Variants in OSBPL1A observed in about 807,000 individuals in gnomAD.
OSBPL1A encodes oxysterol-binding protein-related protein 1.
Under a neutral mutation model 137.1 loss-of-function variants are expected in OSBPL1A, and 80 were observed. The observed-to-expected ratio is 0.58, with a 90% CI of 0.49 to 0.70. OSBPL1A has a LOEUF of 0.70. OSBPL1A is among the 30% of genes least tolerant of loss of function. OSBPL1A has a pLI of 0.00. For missense variants in OSBPL1A, 970 were observed against 1,129.4 expected (o/e 0.86, Z 2.02); for synonymous variants, 365 against 389.7 (o/e 0.94, Z 0.75).
At chr18:24,242,406 C>T (rs1031869565) in intron 15 of OSBPL1A, among the ~76,000 whole-genome samples, 1 of 151,874 alleles carries the variant, frequency 6.6e-6, no homozygotes, top group African/African-American at 2.4e-5. Flanking sequence ...CTCTAGGTCA[C>T]ACTTTCCATC....
At position 24,178,087 on chromosome 18, in the gene OSBPL1A, G is replaced by T. The variant is rs2145919896; in HGVS notation, c.2019C>A (p.Ile673=). 6.2e-7 allele frequency: 1 copy of T among 1,613,544 alleles called. No individual in the cohort carries two copies. Among genetic ancestry groups the T allele is most frequent in the East Asian group, 2.2e-5 (1 of 44,852 alleles). The change falls in exon 21 of 28, where the codon ATC becomes ATA. Residue 673 remains isoleucine (I), a synonymous_variant. Coordinates refer to ENST00000319481, the MANE Select transcript of OSBPL1A (RefSeq NM_080597.4). ...TCCCCCAGAATTTCAGTTTGGGATA[G>T]ATAGAGCCATGAAAGATGAAGTCAT... The part of the protein sequence containing the change: ...LNNDFIFHGS[I]YPKLKFWGKS...
chr18:24,337,375 T>TAACA (rs748388391), intron 5 of OSBPL1A, among the ~76,000 whole-genome samples: 3 of 141,408 alleles, frequency 2.1e-5, no homozygotes, highest in African/African-American at 8.1e-5. Flanking sequence ...AAACATAACA[T>TAACA]TAACATAACA....
chr18:24,264,090 CTA>C (rs2089509465), intron 15 of OSBPL1A, among the ~76,000 whole-genome samples: 1 of 152,164 alleles, frequency 6.6e-6, no homozygotes, highest in African/African-American at 2.4e-5. Flanking sequence ...AACTGTAAGA[CTA>C]TGAAATTACA....
At chr18:24,171,892 A>G (rs182481500) in intron 22 of OSBPL1A, among the ~76,000 whole-genome samples, 7 of 151,832 alleles carry the variant, frequency 4.6e-5, no homozygotes, top group Admixed American at 2.6e-4. Flanking sequence ...AACCCTCTTT[A>G]TTAAATAAAT....
At chr18:24,378,595 T>G (rs1009764759) in intron 1 of OSBPL1A, among the ~76,000 whole-genome samples, 4 of 152,184 alleles carry the variant, frequency 2.6e-5, no homozygotes, top group African/African-American at 9.7e-5. Flanking sequence ...AGTGGAAAAG[T>G]TAGAAACCAC....
rs117479602 is a variant in OSBPL1A at position 24,336,074 on chromosome 18, G to A, written c.395-1744C>T. ...AACAGTGACATCTCCTATACCTCTC[G>A]TACATACCTCCACCACTGCATGTAT... On this transcript the variant is annotated intron_variant, in intron 5 of 27. Coordinates refer to ENST00000319481, the MANE Select transcript of OSBPL1A (RefSeq NM_080597.4). 3.9e-3 allele frequency among the ~76,000 whole-genome samples: 596 copies of A among 152,128 alleles called. 4 individuals carry two copies. The highest frequency in any genetic ancestry group is 6.4e-3 in the Non-Finnish European group (436 of 67,992).
intron 2 of OSBPL1A, among the ~76,000 whole-genome samples, chr18:24,368,858 G>A (rs943652572): frequency 2.0e-5 from 3 of 152,172 alleles, no homozygotes; most frequent in Non-Finnish European, 2.9e-5. Flanking sequence ...CCTGTGATGT[G>A]GTTTGGATTT....
chr18:24,238,558 G>A (rs1306118650), intron 16 of OSBPL1A, among the ~76,000 whole-genome samples: 5 of 152,098 alleles, frequency 3.3e-5, no homozygotes, highest in Non-Finnish European at 5.9e-5. Context: ...GTCATCACAC[G>A]ACCTATTGAA....
chr18:24,352,035 C>T (rs771596422), intron 4 of OSBPL1A, among the ~76,000 whole-genome samples: 7 of 152,220 alleles, frequency 4.6e-5, no homozygotes, highest in Non-Finnish European at 8.8e-5. Context: ...CAGGCTGGCA[C>T]GGTGGCTCAC....
At chr18:24,375,704 G>T (rs952372216) in intron 2 of OSBPL1A, among the ~76,000 whole-genome samples, 1 of 152,154 alleles carries the variant, frequency 6.6e-6, no homozygotes, top group South Asian at 2.1e-4. Context: ...AGACTAGTCT[G>T]ATCTGTTAAT....
chr18:24,322,313 G>A (rs2090879724), intron 7 of OSBPL1A, among the ~76,000 whole-genome samples: 1 of 151,208 alleles, frequency 6.6e-6, no homozygotes, highest in Admixed American at 6.6e-5. Context: ...AGTAGAGATG[G>A]GGTTTCACTG....
intron 7 of OSBPL1A, among the ~76,000 whole-genome samples, chr18:24,323,533 CTTTTT>C (rs1318525513): frequency 3.6e-5 from 2 of 55,058 alleles, no homozygotes; most frequent in Non-Finnish European, 6.4e-5. Context: ...CAGGGTGAGG[CTTTTT>C]CTTTTTTTTT....
chr18:24,163,093 TAAGTAGAAACC>T lies in OSBPL1A; in HGVS notation c.*75_*85del. Reference sequence around the variant, plus strand: ...TTTTTTCATTTTTTTTTTTAAAAGATAAGTAGAAACCAAGGGAAAAAAATTTAAAAACATAG... The same window carrying T: ...TTTTTTCATTTTTTTTTTTAAAAGATAAGGGAAAAAAATTTAAAAACATAG... On this transcript the variant is annotated 3_prime_UTR_variant, in exon 28 of 28. Coordinates refer to ENST00000319481, the MANE Select transcript of OSBPL1A (RefSeq NM_080597.4). 1.1e-6 allele frequency: 1 copy of T among 952,032 alleles called. No homozygotes were observed. The highest frequency in any genetic ancestry group is 1.5e-6 in the Non-Finnish European group (1 of 647,024). 59.0% of individuals were successfully genotyped at this position (952,032 alleles called of 1,614,324 possible). A position where few individuals can be genotyped will look rare whatever the true frequency, so the allele number is the denominator to read the frequency against.
intron 14 of OSBPL1A, among the ~76,000 whole-genome samples, chr18:24,291,148 T>C (rs529368618): frequency 7.4e-4 from 112 of 152,272 alleles, no homozygotes; most frequent in South Asian, 6.0e-3. Flanking sequence ...TTACAATCCA[T>C]TGTGATGGAC....
At chr18:24,194,901 C>A (rs1454098558) in intron 18 of OSBPL1A, among the ~76,000 whole-genome samples, 6 of 152,062 alleles carry the variant, frequency 3.9e-5, no homozygotes, top group Non-Finnish European at 8.8e-5. Context: ...ATGCAGGAGT[C>A]AAAAAATATT....
intron 21 of OSBPL1A, among the ~76,000 whole-genome samples, chr18:24,175,104 G>GTGTGTATATATATATATATATA (rs1491534405): frequency 2.3e-5 from 1 of 42,720 alleles, no homozygotes; most frequent in Non-Finnish European, 5.0e-5. Flanking sequence ...TTTGCCATGT[G>GTGTGTATATATATATATATATA]TATGTATATA....
chr18:24,263,183 TG>T (rs1405457049), intron 15 of OSBPL1A, among the ~76,000 whole-genome samples: 11 of 152,380 alleles, frequency 7.2e-5, no homozygotes, highest in South Asian at 2.1e-4. Context: ...AAAATTTAAA[TG>T]TGCTGGAATC....
intron 11 of OSBPL1A, among the ~76,000 whole-genome samples, chr18:24,315,590 T>TTAA (rs1350956899): frequency 1.2e-5 from 1 of 85,328 alleles, no homozygotes; most frequent in African/African-American, 4.9e-5. Flanking sequence ...TATAATCATA[T>TTAA]TAATATTATT....
chr18:24,338,679 T>C (rs111733057), intron 5 of OSBPL1A, among the ~76,000 whole-genome samples: 6 of 152,298 alleles, frequency 3.9e-5, no homozygotes, highest in African/African-American at 1.4e-4. Flanking sequence ...AAAACATTTC[T>C]TGTCTCTCCA....
Sources: gnomAD v4.1 joint callset for allele counts (sites outside exome capture counted in the v4.1 genomes callset) on GRCh38, gnomAD v4.1.1 for gene constraint, MANE v1.5 for transcripts, NCBI Gene and HGNC (gene_info 2026-07-23, HGNC 2026-07-21) for gene names.